ZC3H12B: variants seen among roughly 807,000 people sequenced by gnomAD.
ZC3H12B encodes zinc finger CCCH-type containing 12B, also known as probable ribonuclease ZC3H12B.
In ZC3H12B, 7 loss-of-function variants were observed where a neutral mutation model predicts 43.9. The ratio of observed to expected loss-of-function variants is 0.16; its 90% CI spans 0.09 to 0.30. The LOEUF is 0.30. Among genes scored for constraint, ZC3H12B ranks in the 10% least tolerant of loss-of-function variants. The pLI is 1.00. For synonymous variants in ZC3H12B, 222 were observed against 241.7 expected (o/e 0.92, Z 0.76); for missense variants, 475 against 670.2 (o/e 0.71, Z 3.22).
chrX:65,436,117 G>A (rs749938257), intron 3 of ZC3H12B, among the ~76,000 whole-genome samples: 5 of 112,446 alleles, frequency 4.4e-5, no homozygotes, highest in Non-Finnish European at 9.4e-5. Context: ...AAGCTAGCAC[G>A]TCTTACGTGG....
chrX:65,200,495 T>C, the ZC3H12B span, among the ~76,000 whole-genome samples: 4 of 95,092 alleles, frequency 4.2e-5, no homozygotes, highest in African/African-American at 1.6e-4. Context: ...TGTAGTGGCA[T>C]CATCTCAGCT....
chrX:65,478,194 G>T (rs1295745329), intron 3 of ZC3H12B, among the ~76,000 whole-genome samples: 2 of 111,701 alleles, frequency 1.8e-5, no homozygotes, highest in African/African-American at 6.5e-5. Flanking sequence ...GGCCTGCACA[G>T]GGACAGTATT....
chrX:65,145,453 T>C, the ZC3H12B span, among the ~76,000 whole-genome samples: 1 of 111,997 alleles, frequency 8.9e-6, no homozygotes, highest in African/African-American at 3.2e-5. Flanking sequence ...GTTGAGCATT[T>C]AGGCCATTTA....
At chrX:65,197,999 G>A in the ZC3H12B span, among the ~76,000 whole-genome samples, 2 of 112,234 alleles carry the variant, frequency 1.8e-5, no homozygotes, top group Admixed American at 9.4e-5. Flanking sequence ...GTACACATCC[G>A]TTTTTATTAC....
At chrX:65,114,969 A>AT in the ZC3H12B span, among the ~76,000 whole-genome samples, 1 of 23,656 alleles carries the variant, frequency 4.2e-5, no homozygotes, top group Non-Finnish European at 8.7e-5. Context: ...TTTACAATGT[A>AT]TTTTTTACGT....
the ZC3H12B span, among the ~76,000 whole-genome samples, chrX:65,151,511 TC>T: frequency 2.7e-5 from 3 of 111,969 alleles, no homozygotes; most frequent in African/African-American, 9.7e-5. Flanking sequence ...AATGAAGCTT[TC>T]CCTGTAAATT....
the ZC3H12B span, among the ~76,000 whole-genome samples, chrX:65,091,209 G>C: frequency 1.8e-5 from 2 of 112,142 alleles, no homozygotes. Flanking sequence ...CAAAGACGAA[G>C]GCAATGTGGT....
the ZC3H12B span, among the ~76,000 whole-genome samples, chrX:65,051,361 T>A: frequency 8.9e-6 from 1 of 111,853 alleles, no homozygotes; most frequent in South Asian, 3.7e-4. Flanking sequence ...TTTTTATCAT[T>A]CCTTTCCTTC....
At chrX:65,382,993 A>C (rs1170675989) in intron 2 of ZC3H12B, among the ~76,000 whole-genome samples, 1 of 111,518 alleles carries the variant, frequency 9.0e-6, no homozygotes, top group African/African-American at 3.3e-5. Context: ...GCTCATGGGT[A>C]GGAAGAACCA....
intron 3 of ZC3H12B, among the ~76,000 whole-genome samples, chrX:65,432,248 A>G (rs1305234468): frequency 1.8e-5 from 2 of 111,670 alleles, no homozygotes; most frequent in Non-Finnish European, 3.8e-5. Flanking sequence ...TACTCCATTC[A>G]TGATAGGCAG....
chrX:65,358,724 G>T, the ZC3H12B span, among the ~76,000 whole-genome samples: 1 of 111,476 alleles, frequency 9.0e-6, no homozygotes, highest in African/African-American at 3.3e-5. Context: ...GCCCACAAGA[G>T]AAAGCAGGAA....
chrX:65,335,404 T>C, the ZC3H12B span, among the ~76,000 whole-genome samples: 1 of 111,933 alleles, frequency 8.9e-6, no homozygotes, highest in African/African-American at 3.3e-5. Context: ...ATTTCTGGCT[T>C]TTTAGCTTTA....
At position 65,499,408 on chromosome X, in the gene ZC3H12B, G is replaced by C. The variant is rs913425926; in HGVS notation, c.983+175G>C. ...AAGAGACTCAAAGTGTAGTAGAGGA[G>C]CGAAAGAGACAACCACAATGTTTTG... On this transcript the variant is annotated intron_variant, in intron 3 of 4. Coordinates refer to ENST00000338957, the Ensembl canonical transcript of ZC3H12B. 18 of 412,054 alleles carry C rather than the reference G, an allele frequency of 4.4e-5. No homozygotes were observed. In the East Asian group the frequency reaches 6.5e-4, roughly 15 times the overall value. 34.0% of individuals were successfully genotyped at this position (412,054 alleles called of 1,213,427 possible). A position where few individuals can be genotyped will look rare whatever the true frequency, so the allele number is the denominator to read the frequency against.
chrX:65,373,376 C>T (rs1394980657), intron 2 of ZC3H12B, among the ~76,000 whole-genome samples: 1 of 111,518 alleles, frequency 9.0e-6, no homozygotes, highest in Non-Finnish European at 1.9e-5. Flanking sequence ...TTTGATCCAG[C>T]CATCCCATTA....
the ZC3H12B span, among the ~76,000 whole-genome samples, chrX:65,125,045 G>C: frequency 9.1e-6 from 1 of 109,662 alleles, no homozygotes; most frequent in East Asian, 2.8e-4. Flanking sequence ...GATTTTTCTT[G>C]TTTCTCCAAT....
At chrX:65,153,952 T>C in the ZC3H12B span, among the ~76,000 whole-genome samples, 1 of 110,475 alleles carries the variant, frequency 9.1e-6, no homozygotes, top group Non-Finnish European at 1.9e-5. Context: ...AAATTGGAAA[T>C]CATCATTCTC....
chrX:65,135,143 C>T, the ZC3H12B span, among the ~76,000 whole-genome samples: 1 of 111,162 alleles, frequency 9.0e-6, no homozygotes, highest in South Asian at 3.8e-4. Context: ...AAACTGTCTA[C>T]CAGTGTTATT....
chrX:65,259,684 G>C, the ZC3H12B span, among the ~76,000 whole-genome samples: 5 of 111,854 alleles, frequency 4.5e-5, no homozygotes, highest in African/African-American at 1.3e-4. Flanking sequence ...AGAACTAAAA[G>C]TAGATCTACT....
intron 3 of ZC3H12B, among the ~76,000 whole-genome samples, chrX:65,417,191 A>G (rs2066972435): frequency 8.9e-6 from 1 of 111,888 alleles, no homozygotes; most frequent in South Asian, 3.7e-4. Context: ...ATACCTATGT[A>G]CAGGGTGGTA....
Sources: allele counts gnomAD v4.1 joint callset (sites outside exome capture counted in the v4.1 genomes callset), GRCh38; gene constraint gnomAD v4.1.1; transcripts MANE v1.5; gene names NCBI Gene and HGNC (gene_info 2026-07-23, HGNC 2026-07-21).